Variants in ERC1 observed in about 807,000 individuals in gnomAD.
ERC1 encodes ELKS/RAB6-interacting/CAST family member 1, also known as RAB6 interacting protein 2.
A neutral mutation model predicts 132.0 loss-of-function variants in ERC1; 56 were observed. That is an observed-to-expected ratio of 0.42 (90% CI 0.34 to 0.53). ERC1 has a LOEUF of 0.53. Among genes scored for constraint, ERC1 ranks in the 20% least tolerant of loss-of-function variants. The probability of loss-of-function intolerance (pLI) is 0.03; values close to 1 mark genes in which losing one functional copy is unlikely to be tolerated. For synonymous variants in ERC1, 478 were observed against 476.1 expected (o/e 1.00, Z -0.05); for missense variants, 1,202 against 1,349.9 (o/e 0.89, Z 1.72).
chr12:1,169,159 T>C (rs751918852), intron 8 of ERC1, among the ~76,000 whole-genome samples: 5 of 152,218 alleles, frequency 3.3e-5, no homozygotes, highest in Non-Finnish European at 7.3e-5. Context: ...TAATTATAAT[T>C]TAACTAGAAA....
Position 1,374,382 on chromosome 12 carries a change from G to GC in ERC1, c.2925+2412dup, listed in dbSNP as rs936626656. ...AATTTACTTACCCCCTCTAACCACC[G>GC]CCCCCCCACCCCCTACAGGGTAACT... is the stretch of plus-strand genomic sequence containing the variant. On this transcript the variant is annotated intron_variant, in intron 16 of 18. Transcript: ENST00000360905. 4.6e-4 allele frequency among the ~76,000 whole-genome samples: 70 copies of GC among 151,202 alleles called. 1 individual carries two copies. Among genetic ancestry groups the GC allele is most frequent in the African/African-American group, 1.4e-3 (56 of 41,264 alleles).
intron 7 of ERC1, among the ~76,000 whole-genome samples, chr12:1,130,038 G>A (rs182030414): frequency 1.2e-4 from 18 of 152,300 alleles, no homozygotes; most frequent in African/African-American, 3.8e-4. Flanking sequence ...CTCCTTGTTG[G>A]TATAATGTTG....
intron 1 of ERC1, among the ~76,000 whole-genome samples, chr12:994,712 G>A (rs180802235): frequency 1.1e-3 from 162 of 152,216 alleles, no homozygotes; most frequent in Admixed American, 2.0e-3. Context: ...CTAGATGCTG[G>A]TATCATAGTA....
chr12:992,257 T>C (rs1259826708), intron 1 of ERC1, among the ~76,000 whole-genome samples: 1 of 152,178 alleles, frequency 6.6e-6, no homozygotes, highest in Non-Finnish European at 1.5e-5. Flanking sequence ...ACTCAGGTGG[T>C]TGCTTTGGAA....
At chr12:1,175,396 A>C (rs529020119) in intron 8 of ERC1, among the ~76,000 whole-genome samples, 28 of 152,080 alleles carry the variant, frequency 1.8e-4, no homozygotes, top group Non-Finnish European at 3.5e-4. Flanking sequence ...TAAGTTTATT[A>C]ATATTCTACA....
chr12:1,314,675 A>G (rs1229867372), intron 15 of ERC1, among the ~76,000 whole-genome samples: 1 of 152,202 alleles, frequency 6.6e-6, no homozygotes, highest in Non-Finnish European at 1.5e-5. Context: ...GCTTTCTAAG[A>G]AGTAAATATG....
chr12:1,406,788 A>G (rs2091521955), intron 16 of ERC1, among the ~76,000 whole-genome samples: 2 of 152,144 alleles, frequency 1.3e-5, no homozygotes, highest in Admixed American at 6.5e-5. Flanking sequence ...TGGGAGGATC[A>G]CTTGAGCCCA....
chr12:1,371,252 C>CG (rs756930132), intron 15 of ERC1, among the ~76,000 whole-genome samples: 1 of 151,918 alleles, frequency 6.6e-6, no homozygotes, highest in Admixed American at 6.6e-5. Flanking sequence ...GTGAGTTTGA[C>CG]TGTTTTAGAT....
At chr12:1,375,800 C>G (rs1389070789) in intron 16 of ERC1, among the ~76,000 whole-genome samples, 1 of 137,520 alleles carries the variant, frequency 7.3e-6, no homozygotes, top group Admixed American at 8.1e-5. Context: ...TGCAGTGGTG[C>G]GATCTCGGCT....
chr12:1,105,757 A>G (rs1264355356), intron 4 of ERC1, among the ~76,000 whole-genome samples: 1 of 152,122 alleles, frequency 6.6e-6, no homozygotes, highest in Non-Finnish European at 1.5e-5. Flanking sequence ...TTTTTTTCCT[A>G]CAAGTACTTG....
chr12:1,469,629 G>T (rs1267147530), intron 18 of ERC1, among the ~76,000 whole-genome samples: 1 of 152,216 alleles, frequency 6.6e-6, no homozygotes, highest in African/African-American at 2.4e-5. Flanking sequence ...TCACAAGTAT[G>T]GAGAGCCTTA....
chr12:1,179,504 T>C lies in ERC1; in HGVS notation c.1738-1036T>C, dbSNP rs11061659. ...AAAATGAGTCTATTCATTTTTCTTT[T>C]TTTTTTTTTTTTTTTTTTTTTGAGA... On this transcript the variant is annotated intron_variant, in intron 8 of 18. Transcript: ENST00000360905. Among the ~76,000 whole-genome samples, 70 of 61,314 alleles carry C rather than the reference T, an allele frequency of 1.1e-3. No homozygotes were observed. The East Asian group carries it at 0.015, about 13-fold the overall frequency. 40.2% of individuals were successfully genotyped at this position (61,314 alleles called of 152,430 possible).
chr12:1,382,576 G>T (rs2088809489), intron 16 of ERC1, among the ~76,000 whole-genome samples: 1 of 152,224 alleles, frequency 6.6e-6, no homozygotes, highest in Admixed American at 6.5e-5. Context: ...CAGGCTGCCT[G>T]ACTTGCCTCT....
At chr12:1,006,977 G>A (rs554191314) in intron 1 of ERC1, among the ~76,000 whole-genome samples, 15 of 150,156 alleles carry the variant, frequency 1.0e-4, no homozygotes, top group African/African-American at 3.2e-4. Flanking sequence ...TATATATGGT[G>A]TATAGTATAT....
chr12:1,481,845 C>T (rs938761688), intron 18 of ERC1, among the ~76,000 whole-genome samples: 7 of 152,118 alleles, frequency 4.6e-5, no homozygotes, highest in East Asian at 3.9e-4. Flanking sequence ...ATCACTGTCC[C>T]CCTTCTTGTT....
chr12:1,244,498 GTT>G (rs769818408), intron 13 of ERC1: 4 of 135,616 alleles, frequency 2.9e-5, no homozygotes, highest in Non-Finnish European at 5.7e-5. Flanking sequence ...GTACTTAATG[GTT>G]TGTTTGTTTG....
intron 13 of ERC1, among the ~76,000 whole-genome samples, chr12:1,243,628 T>C (rs545513654): frequency 6.6e-6 from 1 of 152,214 alleles, no homozygotes; most frequent in Non-Finnish European, 1.5e-5. Flanking sequence ...TTTAGAGCAG[T>C]GGTTCTCAAG....
intron 18 of ERC1, among the ~76,000 whole-genome samples, chr12:1,479,134 A>G (rs1393698839): frequency 2.6e-5 from 4 of 151,928 alleles, no homozygotes; most frequent in South Asian, 2.1e-4. Flanking sequence ...TTTTCGTCCC[A>G]TTGGTCTGTG....
At chr12:1,025,794 GTT>G (rs1172351394) in intron 1 of ERC1, among the ~76,000 whole-genome samples, 5 of 127,584 alleles carry the variant, frequency 3.9e-5, no homozygotes, top group Non-Finnish European at 3.3e-5. Flanking sequence ...AAAAAGGAAA[GTT>G]TTTTTTTTTT....
Sources: gnomAD v4.1 joint callset for allele counts (sites outside exome capture counted in the v4.1 genomes callset) on GRCh38, gnomAD v4.1.1 for gene constraint, MANE v1.5 for transcripts, NCBI Gene and HGNC (gene_info 2026-07-23, HGNC 2026-07-21) for gene names.